The following COL22A1 variants were observed in gnomAD, a reference collection of about 807,000 sequenced individuals.
COL22A1 encodes the protein collagen alpha-1(XXII) chain.
In COL22A1, 221 loss-of-function variants were observed where a neutral mutation model predicts 248.9. The observed-to-expected ratio is 0.89, with a 90% CI of 0.80 to 0.99. The LOEUF (loss-of-function observed/expected upper bound fraction) is 0.99. COL22A1 is among the 50% of genes least tolerant of loss of function. The pLI, the probability that COL22A1 is intolerant of heterozygous loss-of-function variation, is 0.00. For missense variants in COL22A1, 2,240 were observed against 2,179.0 expected, an observed-to-expected ratio of 1.03 and a Z score of -0.56; for synonymous variants, 891 against 793.4, an observed-to-expected ratio of 1.12 and a Z score of -2.07.
chr8:138,897,551 G>GTAA lies in COL22A1; in HGVS notation c.-72-14310_-72-14308dup, dbSNP rs33953970. On this transcript the variant is annotated intron_variant, in intron 1 of 64. Coordinates refer to ENST00000303045, the MANE Select transcript of COL22A1 (RefSeq NM_152888.3). The stretch of plus-strand genomic sequence containing the variant: ...TGACAGAGCGAGACTCTGTCTCAAA[G>GTAA]TAATAATAATAATAATAATAATAAG... Among the ~76,000 whole-genome samples the GTAA allele has an allele frequency of 6.8e-4, 102 of 150,024 alleles. 1 individual carries two copies. Among genetic ancestry groups the GTAA allele is most frequent in the African/African-American group, 2.3e-3 (94 of 40,710 alleles).
intron 61 of COL22A1, among the ~76,000 whole-genome samples, chr8:138,597,674 GTC>G (rs1817654283): frequency 6.6e-6 from 1 of 152,258 alleles, no homozygotes; most frequent in Admixed American, 6.5e-5. Context: ...AAGGGCAGGG[GTC>G]TTACGGTGCT....
chr8:138,775,888 A>G, intron 16 of COL22A1, 78 bp downstream of exon 16: 1 of 1,341,886 alleles, frequency 7.5e-7, no homozygotes. Context: ...ACGAGCATAC[A>G]CAGAGCAGAT....
intron 59 of COL22A1, among the ~76,000 whole-genome samples, chr8:138,603,385 A>G (rs1379447591): frequency 6.6e-6 from 1 of 152,208 alleles, no homozygotes; most frequent in Non-Finnish European, 1.5e-5. Flanking sequence ...AAATTTAACA[A>G]CAAAAGGCGG....
At chr8:138,796,018 G>A (rs1240653721) in intron 12 of COL22A1, among the ~76,000 whole-genome samples, 1 of 152,054 alleles carries the variant, frequency 6.6e-6, no homozygotes, top group Non-Finnish European at 1.5e-5. Flanking sequence ...AGTATCAACG[G>A]GCATTTGCAC....
rs191979926 is a variant in COL22A1, at chr8:138,623,655, C to T, written c.3771+77G>A. 2.3e-6 allele frequency: 3 copies of T among 1,276,772 alleles called. No individual in the cohort carries two copies. In the East Asian group the frequency reaches 7.0e-5, roughly 30 times the overall value. 79.1% of individuals were successfully genotyped at this position (1,276,772 alleles called of 1,614,324 possible). ...TATCTTCGAGACTGGTTCAAAATAG[C>T]TCCTCACACAAAGTAGTTGTTTTTG... On this transcript the variant is annotated intron_variant, in intron 52 of 64. Coordinates refer to ENST00000303045, the MANE Select transcript of COL22A1 (RefSeq NM_152888.3).
intron 23 of COL22A1, among the ~76,000 whole-genome samples, chr8:138,726,498 CAAAAAA>C (rs371982028): frequency 1.0e-5 from 1 of 95,614 alleles, no homozygotes; most frequent in Non-Finnish European, 2.1e-5. Flanking sequence ...CCTGTATCTA[CAAAAAA>C]AAAAAAAAAG....
chr8:138,613,982 C>A, intron 55 of COL22A1, 62 bp from the exon 56 acceptor site: 1 of 1,341,906 alleles, frequency 7.5e-7, no homozygotes, highest in South Asian at 1.2e-5. Context: ...GATGGCATCC[C>A]AATTTCAAAT....
intron 7 of COL22A1, among the ~76,000 whole-genome samples, chr8:138,816,582 C>A (rs1437654889): frequency 6.6e-6 from 1 of 152,190 alleles, no homozygotes; most frequent in Non-Finnish European, 1.5e-5. Flanking sequence ...TTCAGCACGG[C>A]CCAGTCTGAG....
chr8:138,762,941 C>A (rs926404220), intron 16 of COL22A1, among the ~76,000 whole-genome samples: 33 of 152,334 alleles, frequency 2.2e-4, no homozygotes, highest in Admixed American at 1.6e-3. Context: ...CCACCATCTG[C>A]GCATTCATCT....
chr8:138,834,793 C>T (rs1284745176), intron 4 of COL22A1, among the ~76,000 whole-genome samples: 1 of 152,202 alleles, frequency 6.6e-6, no homozygotes, highest in Non-Finnish European at 1.5e-5. Flanking sequence ...TCCTCTAATG[C>T]TAAATTCTGT....
intron 34 of COL22A1, 59 bp from the exon 35 acceptor site, chr8:138,693,758 TCA>T: frequency 6.6e-7 from 1 of 1,510,498 alleles, no homozygotes; most frequent in East Asian, 2.5e-5. Context: ...CTGTTTCCCC[TCA>T]CAGCAGGGAG....
intron 1 of COL22A1, among the ~76,000 whole-genome samples, chr8:138,901,323 T>C (rs1293090958): frequency 6.6e-6 from 1 of 150,398 alleles, no homozygotes; most frequent in Non-Finnish European, 1.5e-5. Context: ...GCCTCAGACA[T>C]GGCCTCCAGC....
chr8:138,762,589 C>CAG (rs1833578895), intron 16 of COL22A1, 123 bp from the exon 17 acceptor site: 6 of 469,584 alleles, frequency 1.3e-5, no homozygotes, highest in Non-Finnish European at 2.3e-5. Flanking sequence ...AACGCACGTG[C>CAG]ACACACACAC....
chr8:138,606,952 C>A (rs7822001), intron 57 of COL22A1, among the ~76,000 whole-genome samples: 94,822 of 151,972 alleles, frequency 0.62, 32,354 homozygotes, highest in Middle Eastern at 0.82. Flanking sequence ...TGACCCAATC[C>A]CACCTCCTCT....
Position 138,755,490 on chromosome 8 carries a change from C to A in COL22A1, c.1969G>T (p.Gly657Trp). 1 of 1,614,082 alleles carries A rather than the reference C, an allele frequency of 6.2e-7. No homozygotes were observed. The highest frequency in any genetic ancestry group is 2.2e-5 in the East Asian group (1 of 44,862). Residue 657 changes from glycine to tryptophan, a missense_variant, in exon 20 of 65, where the codon GGG (glycine) becomes TGG (tryptophan). Transcript: ENST00000303045. ...GSVVQQEGLK[G>W]EQGAPGPRGH... is the part of the protein sequence containing the mutation. ...ACGCGTGTGCCTCTTACCTGTTCCC[C>A]TTTCAAGCCCTCTTGCTGCACCTGA...
intron 44 of COL22A1, among the ~76,000 whole-genome samples, chr8:138,658,839 G>A (rs1823527560): frequency 6.7e-6 from 1 of 150,262 alleles, no homozygotes; most frequent in South Asian, 2.1e-4. Flanking sequence ...GACCATTCGG[G>A]AGGAGTATGT....
chr8:138,863,750 G>A, intron 3 of COL22A1, among the ~76,000 whole-genome samples: 1 of 152,052 alleles, frequency 6.6e-6, no homozygotes, highest in East Asian at 1.9e-4. Context: ...CTCTGAAGTG[G>A]ACAATGTAGG....
chr8:138,807,896 A>G, intron 9 of COL22A1, 84 bp from the exon 10 acceptor site: 1 of 1,362,582 alleles, frequency 7.3e-7, no homozygotes, highest in Non-Finnish European at 1.0e-6. Flanking sequence ...CCACCCCCAC[A>G]TGCTTAGAAG....
intron 4 of COL22A1, among the ~76,000 whole-genome samples, chr8:138,839,430 G>A (rs1820698793): frequency 6.6e-6 from 1 of 152,166 alleles, no homozygotes; most frequent in African/African-American, 2.4e-5. Context: ...TTAAAGTGAG[G>A]GAGAAATACC....
Sources: allele counts gnomAD v4.1 joint callset (sites outside exome capture counted in the v4.1 genomes callset), GRCh38; gene constraint gnomAD v4.1.1; transcripts MANE v1.5; gene names NCBI Gene and HGNC (gene_info 2026-07-23, HGNC 2026-07-21).